SKAP1: variants seen among roughly 807,000 people sequenced by gnomAD.
SKAP1 encodes the protein src kinase-associated phosphoprotein 1.
A neutral mutation model predicts 58.5 loss-of-function variants in SKAP1; 44 were observed. The ratio of observed to expected loss-of-function variants is 0.75; its 90% CI spans 0.59 to 0.97. The LOEUF is 0.97. SKAP1 is among the 50% of genes least tolerant of loss of function. The pLI, the probability that SKAP1 is intolerant of heterozygous loss-of-function variation, is 0.00. For missense variants in SKAP1, 390 were observed against 435.2 expected, an observed-to-expected ratio of 0.90 and a Z score of 0.92; for synonymous variants, 127 against 149.7, an observed-to-expected ratio of 0.85 and a Z score of 1.11.
At chr17:48,286,477 A>G (rs1221179639) in intron 4 of SKAP1, among the ~76,000 whole-genome samples, 2 of 152,242 alleles carry the variant, frequency 1.3e-5, no homozygotes, top group African/African-American at 2.4e-5. Flanking sequence ...ATGTTCTATA[A>G]AATTGCAATT....
intron 3 of SKAP1, among the ~76,000 whole-genome samples, chr17:48,356,038 T>C (rs994472306): frequency 5.3e-5 from 8 of 152,062 alleles, no homozygotes; most frequent in Non-Finnish European, 8.8e-5. Flanking sequence ...GCAAATCTCT[T>C]GAGCCCAAAA....
intron 1 of SKAP1, among the ~76,000 whole-genome samples, chr17:48,404,088 C>CG (rs1427427971): frequency 9.1e-6 from 1 of 109,840 alleles, no homozygotes; most frequent in Non-Finnish European, 1.9e-5. Flanking sequence ...GACTCTGTCT[C>CG]GGAAAAAAAA....
chr17:48,424,736 C>T (rs2067836544), intron 1 of SKAP1, among the ~76,000 whole-genome samples: 1 of 148,740 alleles, frequency 6.7e-6, no homozygotes, highest in African/African-American at 2.5e-5. Context: ...AGATCAAGAC[C>T]ATTCTGGCCA....
chr17:48,300,127 T>G (rs1462592730), intron 4 of SKAP1, among the ~76,000 whole-genome samples: 1 of 152,194 alleles, frequency 6.6e-6, no homozygotes, highest in Non-Finnish European at 1.5e-5. Flanking sequence ...GCTTCACTAG[T>G]TCAGGTCCTT....
intron 4 of SKAP1, among the ~76,000 whole-genome samples, chr17:48,190,636 A>G (rs1260620637): frequency 6.6e-6 from 1 of 152,180 alleles, no homozygotes; most frequent in Non-Finnish European, 1.5e-5. Flanking sequence ...AGTTCATAGA[A>G]GAAGGGCTAT....
intron 7 of SKAP1, among the ~76,000 whole-genome samples, chr17:48,184,383 A>G (rs2064415798): frequency 6.6e-6 from 1 of 152,180 alleles, no homozygotes; most frequent in South Asian, 2.1e-4. Flanking sequence ...GTCGAAGAAT[A>G]AAGAGAATGG....
intron 4 of SKAP1, among the ~76,000 whole-genome samples, chr17:48,253,216 T>C (rs1459620365): frequency 6.6e-6 from 1 of 152,160 alleles, no homozygotes; most frequent in African/African-American, 2.4e-5. Context: ...AAGGATGAAA[T>C]GGTTTCTACG....
At chr17:48,139,080 C>T (rs576542059) in intron 11 of SKAP1, among the ~76,000 whole-genome samples, 1 of 151,382 alleles carries the variant, frequency 6.6e-6, no homozygotes, top group East Asian at 2.0e-4. Context: ...GGTGTTTCAC[C>T]CTGTTGGCCA....
At chr17:48,276,205 G>T (rs2065698277) in intron 4 of SKAP1, among the ~76,000 whole-genome samples, 1 of 152,150 alleles carries the variant, frequency 6.6e-6, no homozygotes, top group East Asian at 1.9e-4. Context: ...AATGTGCCAA[G>T]AATTTTTATA....
chr17:48,428,262 A>G (rs2067874915), intron 1 of SKAP1, among the ~76,000 whole-genome samples: 1 of 152,182 alleles, frequency 6.6e-6, no homozygotes, highest in African/African-American at 2.4e-5. Context: ...TCCTCCATAT[A>G]TTTTAAAGAC....
intron 4 of SKAP1, among the ~76,000 whole-genome samples, chr17:48,311,944 G>A (rs1487159227): frequency 1.3e-5 from 2 of 152,094 alleles, no homozygotes; most frequent in African/African-American, 2.4e-5. Context: ...GCAAAAATAT[G>A]GGTAGGATTT....
At chr17:48,349,864 T>C (rs2066774864) in intron 3 of SKAP1, among the ~76,000 whole-genome samples, 1 of 152,194 alleles carries the variant, frequency 6.6e-6, no homozygotes, top group African/African-American at 2.4e-5. Context: ...TTGTTTTTAT[T>C]CCCTGTGTTT....
At chr17:48,183,177 T>C (rs1050183953) in intron 7 of SKAP1, among the ~76,000 whole-genome samples, 6 of 152,024 alleles carry the variant, frequency 3.9e-5, no homozygotes, top group Non-Finnish European at 5.9e-5. Context: ...ATTCTTTCAA[T>C]AGTAGTGAGT....
At chr17:48,222,681 T>G (rs765494641) in intron 4 of SKAP1, among the ~76,000 whole-genome samples, 21 of 151,762 alleles carry the variant, frequency 1.4e-4, no homozygotes, top group Middle Eastern at 3.4e-3. Flanking sequence ...AGTTTCACCA[T>G]GTTGGCCAGG....
At chr17:48,406,267 A>C (rs371767315) in intron 1 of SKAP1, among the ~76,000 whole-genome samples, 9 of 148,168 alleles carry the variant, frequency 6.1e-5, no homozygotes, top group East Asian at 3.9e-4. Context: ...CCGTCTCAAA[A>C]AAACAAACAA....
chr17:48,427,874 C>T (rs2067871117), intron 1 of SKAP1, among the ~76,000 whole-genome samples: 1 of 151,902 alleles, frequency 6.6e-6, no homozygotes. Context: ...GAGATCAGGA[C>T]CTCCATTTTT....
At chr17:48,289,225 T>C (rs1050695792) in intron 4 of SKAP1, among the ~76,000 whole-genome samples, 1 of 152,188 alleles carries the variant, frequency 6.6e-6, no homozygotes, top group Non-Finnish European at 1.5e-5. Flanking sequence ...CTCTTTTTCC[T>C]ATATATTCAT....
At chr17:48,149,685 C>T (rs1031397607) in intron 11 of SKAP1, among the ~76,000 whole-genome samples, 1 of 152,124 alleles carries the variant, frequency 6.6e-6, no homozygotes, top group Non-Finnish European at 1.5e-5. Context: ...AACGCGGGTA[C>T]TAATGATCTG....
intron 2 of SKAP1, among the ~76,000 whole-genome samples, chr17:48,393,025 C>T (rs559982858): frequency 6.6e-6 from 1 of 152,280 alleles, no homozygotes; most frequent in South Asian, 2.1e-4. Context: ...ACAACTGCTT[C>T]ATTCCAGGTG....
Sources: gnomAD v4.1 joint callset for allele counts (sites outside exome capture counted in the v4.1 genomes callset) on GRCh38, gnomAD v4.1.1 for gene constraint, MANE v1.5 for transcripts, NCBI Gene and HGNC (gene_info 2026-07-23, HGNC 2026-07-21) for gene names.